Variants in FANCA observed in about 807,000 individuals in gnomAD.
FANCA encodes the protein FA complementation group A.
In FANCA, 236 loss-of-function variants were observed where a neutral mutation model predicts 194.3. The ratio of observed to expected loss-of-function variants is 1.21; its 90% CI spans 1.09 to 1.35. FANCA has a LOEUF of 1.35. Ranked by LOEUF, FANCA falls within the 40% of genes most tolerant of loss-of-function variation. FANCA has a pLI of 0.00. For missense variants in FANCA, 2,628 were observed against 1,813.9 expected, an observed-to-expected ratio of 1.45 and a Z score of -8.15; for synonymous variants, 1,014 against 715.8, an observed-to-expected ratio of 1.42 and a Z score of -6.65.
At position 89,740,740 on chromosome 16, in the gene FANCA, T is replaced by C. The variant is rs1009868548; in HGVS notation, c.3828+64A>G. On this transcript the variant is annotated intron_variant, in intron 38 of 42. Coordinates refer to ENST00000389301, the MANE Select transcript of FANCA (RefSeq NM_000135.4). ...TGGAAACCCTGACTTGGAAGCTGGC[T>C]GCCTGGTGCCCCTGCCTGGCCCACA... The C allele has an allele frequency of 4.2e-6, 6 of 1,423,556 alleles. No individual in the cohort carries two copies. In the African/African-American group the frequency reaches 8.5e-5, roughly 20 times the overall value. The allele number at this position is 1,423,556 out of a possible 1,614,324, so 88.2% of individuals were successfully genotyped here. A position where few individuals can be genotyped will look rare whatever the true frequency, so the allele number is the denominator to read the frequency against.
Position 89,764,807 on chromosome 16 carries a change from G to C in FANCA, c.2778+83C>G, listed in dbSNP as rs750997715. 54 of 1,490,154 alleles carry C rather than the reference G, an allele frequency of 3.6e-5. No individual in the cohort carries two copies. Among genetic ancestry groups the C allele is most frequent in the Non-Finnish European group, 5.0e-5 (53 of 1,069,664 alleles). The allele number at this position is 1,490,154 out of a possible 1,614,324, so 92.3% of individuals were successfully genotyped here. A position where few individuals can be genotyped will look rare whatever the true frequency, so the allele number is the denominator to read the frequency against. On this transcript the variant is annotated intron_variant, in intron 28 of 42. Transcript: ENST00000389301. ...TGCAGGGGAAGGAACGGTCACCTAC[G>C]TGCTGCTGTTCTTGCCCGAGGAGCA...
intron 8 of FANCA, among the ~76,000 whole-genome samples, chr16:89,800,622 C>A (rs17225998): frequency 0.013 from 1,958 of 152,254 alleles, 41 homozygotes; most frequent in South Asian, 0.095. Context: ...AAGAACAAAG[C>A]TATAGAATAT....
intron 8 of FANCA, among the ~76,000 whole-genome samples, chr16:89,802,162 G>A (rs910697204): frequency 6.6e-6 from 1 of 152,118 alleles, no homozygotes; most frequent in Non-Finnish European, 1.5e-5. Flanking sequence ...TAGAGTGCAA[G>A]GCGCAATCTT....
intron 6 of FANCA, among the ~76,000 whole-genome samples, chr16:89,807,188 T>C (rs1184743095): frequency 4.6e-5 from 7 of 151,172 alleles, no homozygotes; most frequent in East Asian, 3.9e-4. Context: ...GTTTTTCTTT[T>C]TTTTTTTTTT....
chr16:89,812,222 C>T (rs1291724782), intron 3 of FANCA, among the ~76,000 whole-genome samples: 1 of 151,718 alleles, frequency 6.6e-6, no homozygotes, highest in Non-Finnish European at 1.5e-5. Flanking sequence ...GCCTGTAGTC[C>T]CAGCTACTCA....
chr16:89,778,054 C>T (rs888235669), intron 20 of FANCA, among the ~76,000 whole-genome samples: 17 of 150,186 alleles, frequency 1.1e-4, no homozygotes, highest in Non-Finnish European at 1.9e-4. Context: ...CCCAGCTACT[C>T]AGGAGGCTGA....
intron 28 of FANCA, among the ~76,000 whole-genome samples, chr16:89,763,138 T>C (rs2039010608): frequency 6.6e-6 from 1 of 151,880 alleles, no homozygotes; most frequent in African/African-American, 2.4e-5. Flanking sequence ...TCCCAGCTAC[T>C]TGGGAGGCCG....
chr16:89,773,263 A>G lies in FANCA; in HGVS notation c.2014+8T>C. On this transcript the variant is annotated splice_region_variant and intron_variant, in intron 22 of 42. Coordinates refer to ENST00000389301, the MANE Select transcript of FANCA (RefSeq NM_000135.4). ...TGAGACACAGCATGAGCTCCCATCC[A>G]TCCTCACCATCACGCTGGCTGGGGT... is the stretch of plus-strand genomic sequence containing the variant. 3.9e-6 allele frequency: 6 copies of G among 1,546,918 alleles called. No individual in the cohort carries two copies. Among genetic ancestry groups the G allele is most frequent in the South Asian group, 1.2e-5 (1 of 83,992 alleles).
chr16:89,747,055 G>C (rs987443156), intron 33 of FANCA, among the ~76,000 whole-genome samples, 165 bp from the exon 34 acceptor site: 7 of 152,234 alleles, frequency 4.6e-5, no homozygotes, highest in African/African-American at 1.7e-4. Flanking sequence ...CGCCCTGGCT[G>C]TGCTGTCCTG....
chr16:89,787,879 AAAT>A (rs1316760114), intron 14 of FANCA, among the ~76,000 whole-genome samples: 1 of 151,926 alleles, frequency 6.6e-6, no homozygotes, highest in African/African-American at 2.4e-5. Flanking sequence ...TAAAAAAAAA[AAAT>A]TTTTTTTTTG....
intron 15 of FANCA, among the ~76,000 whole-genome samples, chr16:89,784,452 T>C (rs1598139862): frequency 7.7e-6 from 1 of 130,292 alleles, no homozygotes; most frequent in African/African-American, 2.9e-5. Flanking sequence ...AAACATGAGA[T>C]CCTAAAACCC....
Position 89,803,296 on chromosome 16 carries a change from TCTGAGTTTTTCTGAAATCCCC to T in FANCA, c.734_754del (p.Arg245_Asp252delinsAsn). ...TTCAGGCTCCACAGTTCTTCTCAGA[TCTGAGTTTTTCTGAAATCCCC>T]TCAAAACAAACATTTGAACAAAATC... On this transcript the variant is annotated inframe_deletion, in exon 8 of 43. Transcript: ENST00000389301. The T allele has an allele frequency of 6.2e-7, 1 of 1,614,190 alleles. No homozygotes were observed. The highest frequency in any genetic ancestry group is 8.5e-7 in the Non-Finnish European group (1 of 1,180,040).
intron 28 of FANCA, among the ~76,000 whole-genome samples, chr16:89,763,064 A>G (rs1446399589): frequency 1.3e-5 from 2 of 151,324 alleles, no homozygotes; most frequent in Non-Finnish European, 2.9e-5. Context: ...TGGCTAACAC[A>G]GTGAAACCCC....
intron 27 of FANCA, among the ~76,000 whole-genome samples, chr16:89,766,796 G>T (rs970646477): frequency 6.6e-6 from 1 of 152,006 alleles, no homozygotes; most frequent in African/African-American, 2.4e-5. Flanking sequence ...TCTTTCCAGG[G>T]AAAGATACTT....
chr16:89,767,342 T>C, intron 26 of FANCA, 105 bp from the exon 27 acceptor site: 1 of 813,868 alleles, frequency 1.2e-6, no homozygotes. Flanking sequence ...CATTCCGAAC[T>C]GGATGGCCTG....
rs1416658548 is a variant in FANCA at position 89,740,006 on chromosome 16, A to G, written c.3922T>C (p.Leu1308=). The change falls in exon 39 of 43, where the codon TTG becomes CTG. Residue 1308 remains leucine (L), a synonymous_variant. Transcript: ENST00000389301. ...GCGTGTTTCTTACCACTCTCTGTCA[A>G]CTGAAAGAGTGCCAGCCAGGATATC... The part of the protein sequence containing the change: ...RKISWLALFQ[L]TESDLRLGRL... The G allele has an allele frequency of 1.9e-6, 3 of 1,614,020 alleles. No individual in the cohort carries two copies. The highest frequency in any genetic ancestry group is 2.7e-5 in the African/African-American group (2 of 74,914).
chr16:89,739,290 CTAGAGG>C lies in FANCA; in HGVS notation c.4011-7_4011-2del, dbSNP rs1177713219. On this transcript the variant is annotated splice_acceptor_variant and splice_polypyrimidine_tract_variant and intron_variant, in intron 40 of 42. Coordinates refer to ENST00000389301, the MANE Select transcript of FANCA (RefSeq NM_000135.4). LOFTEE classifies it high-confidence loss of function. ...GTCTTCATGGAAGTAGGAGAGAAGA[CTAGAGG>C]TAAAGACATAGTGACAAATGGCTAC... 6.2e-7 allele frequency: 1 copy of C among 1,614,020 alleles called. No individual in the cohort carries two copies. Among genetic ancestry groups the C allele is most frequent in the African/African-American group, 1.3e-5 (1 of 74,944 alleles).
rs964768969 is a variant in FANCA, at chr16:89,750,051, A to C, written c.3067-149T>G. ...GGGCAAGCTATTTCAATTGGAAATC[A>C]CTTTGAAATTGCAAATATAGAACAG... On this transcript the variant is annotated intron_variant, in intron 31 of 42. Transcript: ENST00000389301. 10 of 835,614 alleles carry C rather than the reference A, an allele frequency of 1.2e-5. No homozygotes were observed. The African/African-American group carries it at 1.7e-4, about 14-fold the overall frequency. The allele number at this position is 835,614 out of a possible 1,614,324, so 51.8% of individuals were successfully genotyped here.
At chr16:89,765,433 A>G (rs2159114) in intron 27 of FANCA, among the ~76,000 whole-genome samples, 105,190 of 147,894 alleles carry the variant, frequency 0.71, 39,339 homozygotes, top group East Asian at 0.99. Context: ...CCCCTCAGCG[A>G]TCATGGCTGT....
Sources: allele counts gnomAD v4.1 joint callset (sites outside exome capture counted in the v4.1 genomes callset), GRCh38; gene constraint gnomAD v4.1.1; transcripts MANE v1.5; gene names NCBI Gene and HGNC (gene_info 2026-07-23, HGNC 2026-07-21).